Variants in RHOG observed in about 807,000 individuals in gnomAD.
The protein encoded by RHOG is rho-related GTP-binding protein RhoG.
In RHOG, 1 loss-of-function variant was observed where a neutral mutation model predicts 12.3. That is an observed-to-expected ratio of 0.08 (90% CI 0.03 to 0.39). RHOG has a LOEUF of 0.39. RHOG is among the 10% of genes least tolerant of loss of function. RHOG has a pLI of 0.99. For missense variants in RHOG, 114 were observed against 266.2 expected (o/e 0.43, Z 3.98); for synonymous variants, 129 against 116.0 (o/e 1.11, Z -0.72).
intron 1 of RHOG, among the ~76,000 whole-genome samples, chr11:3,832,521 T>C (rs2090136139): frequency 6.6e-6 from 1 of 152,194 alleles, no homozygotes; most frequent in African/African-American, 2.4e-5. Flanking sequence ...TCAAGGAACC[T>C]GACCATGGGA....
In RHOG at chr11:3,828,190, C is replaced by T; in HGVS notation, c.-52G>A. 6.6e-7 allele frequency: 1 copy of T among 1,520,564 alleles called. No individual in the cohort carries two copies. Among genetic ancestry groups the T allele is most frequent in the Non-Finnish European group, 9.0e-7 (1 of 1,112,730 alleles). 94.2% of individuals were successfully genotyped at this position (1,520,564 alleles called of 1,614,324 possible). On this transcript the variant is annotated 5_prime_UTR_variant, in exon 2 of 2. Coordinates refer to ENST00000351018, the MANE Select transcript of RHOG (RefSeq NM_001665.4). The stretch of plus-strand genomic sequence containing the variant: ...CAGTGCCTCCTCTCTCTTCTGGACC[C>T]CTCTGGCTGCAGTGACCTGTGGACA...
chr11:3,836,800 G>A (rs1167156595), intron 1 of RHOG, among the ~76,000 whole-genome samples: 1 of 151,232 alleles, frequency 6.6e-6, no homozygotes, highest in East Asian at 1.9e-4. Flanking sequence ...CTACCTGGGA[G>A]GCTGACACAG....
At chr11:3,836,052 T>TA (rs58765611) in intron 1 of RHOG, among the ~76,000 whole-genome samples, 3,888 of 142,542 alleles carry the variant, frequency 0.027, 180 homozygotes, top group African/African-American at 0.095. Flanking sequence ...TTCCTAGCCT[T>TA]AAAAAAAAAA....
chr11:3,838,126 T>C (rs926955981), intron 1 of RHOG, among the ~76,000 whole-genome samples: 4 of 152,042 alleles, frequency 2.6e-5, no homozygotes, highest in African/African-American at 9.7e-5. Flanking sequence ...ATAGAAGGAG[T>C]CTTCAGTGTG....
In RHOG at chr11:3,827,566, C is replaced by A. The variant is rs1414763351; in HGVS notation, c.573G>T (p.Leu191Phe). The A allele has an allele frequency of 1.9e-6, 3 of 1,602,014 alleles. No homozygotes were observed. Among genetic ancestry groups the A allele is most frequent in the Non-Finnish European group, 2.5e-6 (3 of 1,177,652 alleles). ...GCCTCCAAGCCAAGTGCCAGGGTCACAAGAGGATGCAGGACCGCCCACGCT... is the reference window on the plus strand; with the variant it reads ...GCCTCCAAGCCAAGTGCCAGGGTCAAAAGAGGATGCAGGACCGCCCACGCT... Reference protein sequence around the residue: ...PIKRGRSCILL With the variant: ...PIKRGRSCILF Residue 191 changes from leucine to phenylalanine, a missense_variant, in exon 2 of 2, where the codon TTG becomes TTT. Around this residue, in one of 2 missense-constraint regions of RHOG, gnomAD observed 61 missense variants for 101.4 expected, o/e 0.60. Coordinates refer to ENST00000351018, the MANE Select transcript of RHOG (RefSeq NM_001665.4). The surrounding 1 kb of genome is among the most constrained non-coding windows in gnomAD (Gnocchi z 7.3).
chr11:3,836,283 G>A (rs1405538570), intron 1 of RHOG, among the ~76,000 whole-genome samples: 1 of 150,516 alleles, frequency 6.6e-6, no homozygotes, highest in Non-Finnish European at 1.5e-5. Context: ...CTTGAACCCA[G>A]GAGGCAGAGG....
At chr11:3,837,173 C>T (rs564864271) in intron 1 of RHOG, among the ~76,000 whole-genome samples, 4 of 152,302 alleles carry the variant, frequency 2.6e-5, no homozygotes, top group African/African-American at 7.2e-5. Context: ...AAAATACCCA[C>T]AGAGAGACCC....
intron 1 of RHOG, among the ~76,000 whole-genome samples, chr11:3,832,436 C>A (rs568250728): frequency 6.6e-6 from 1 of 152,264 alleles, no homozygotes; most frequent in East Asian, 1.9e-4. Context: ...AAGTTACTGC[C>A]CTTCCTGGAG....
chr11:3,828,847 C>A (rs1016043363), intron 1 of RHOG, among the ~76,000 whole-genome samples: 3 of 151,850 alleles, frequency 2.0e-5, no homozygotes, highest in Admixed American at 2.0e-4. Flanking sequence ...GTCTCGATCT[C>A]CTGACCTCGT....
At chr11:3,833,380 A>G (rs922785647) in intron 1 of RHOG, among the ~76,000 whole-genome samples, 1 of 152,204 alleles carries the variant, frequency 6.6e-6, no homozygotes, top group Non-Finnish European at 1.5e-5. Flanking sequence ...TAGCCCTCCC[A>G]AAGTGCTGGG....
At chr11:3,840,542 C>CG (rs1311343508) in intron 1 of RHOG, 2 of 150,914 alleles carry the variant, frequency 1.3e-5, no homozygotes, top group African/African-American at 4.9e-5. Flanking sequence ...CAACACCCCC[C>CG]CCACCAACTT....
At chr11:3,837,001 C>CAG (rs1310424384) in intron 1 of RHOG, among the ~76,000 whole-genome samples, 2 of 151,256 alleles carry the variant, frequency 1.3e-5, no homozygotes, top group African/African-American at 4.9e-5. Flanking sequence ...CCACGCAGCA[C>CAG]AGAGGAAGGG....
rs745411648 is a variant in RHOG at position 3,828,186 on chromosome 11, G to A, written c.-48C>T. On this transcript the variant is annotated 5_prime_UTR_variant, in exon 2 of 2. Coordinates refer to ENST00000351018, the MANE Select transcript of RHOG (RefSeq NM_001665.4). Reference sequence around the variant, plus strand: ...GAGGCAGTGCCTCCTCTCTCTTCTGGACCCCTCTGGCTGCAGTGACCTGTG... The same window carrying A: ...GAGGCAGTGCCTCCTCTCTCTTCTGAACCCCTCTGGCTGCAGTGACCTGTG... 6.5e-7 allele frequency: 1 copy of A among 1,535,736 alleles called. No individual in the cohort carries two copies. Among genetic ancestry groups the A allele is most frequent in the Non-Finnish European group, 8.9e-7 (1 of 1,124,130 alleles).
chr11:3,833,807 T>C (rs1250396410), intron 1 of RHOG, among the ~76,000 whole-genome samples: 1 of 152,234 alleles, frequency 6.6e-6, no homozygotes. Flanking sequence ...GCCAGGATCA[T>C]TCTTGCCTCT....
At chr11:3,838,332 T>G (rs570160689) in intron 1 of RHOG, among the ~76,000 whole-genome samples, 1 of 152,360 alleles carries the variant, frequency 6.6e-6, no homozygotes, top group South Asian at 2.1e-4. Context: ...TGGGGCCAGA[T>G]CTCACCTGGG....
chr11:3,833,537 A>G (rs1445926229), intron 1 of RHOG, among the ~76,000 whole-genome samples: 1 of 152,180 alleles, frequency 6.6e-6, no homozygotes, highest in Non-Finnish European at 1.5e-5. Flanking sequence ...GATAAGGGAT[A>G]TTAGAGTTAC....
At chr11:3,836,175 A>C (rs2090154528) in intron 1 of RHOG, among the ~76,000 whole-genome samples, 1 of 151,830 alleles carries the variant, frequency 6.6e-6, no homozygotes, top group Non-Finnish European at 1.5e-5. Flanking sequence ...CAACATGGTG[A>C]AACCCCGTCT....
chr11:3,833,109 G>GT (rs1203587243), intron 1 of RHOG, among the ~76,000 whole-genome samples: 2 of 151,830 alleles, frequency 1.3e-5, no homozygotes, highest in Non-Finnish European at 2.9e-5. Context: ...GTTTTGTTTT[G>GT]TTTTTTCTTT....
chr11:3,828,622 ATTTTT>A (rs755612599), intron 1 of RHOG, among the ~76,000 whole-genome samples: 4 of 125,756 alleles, frequency 3.2e-5, no homozygotes, highest in Non-Finnish European at 6.5e-5. Flanking sequence ...AGTATTAGCT[ATTTTT>A]TTTTTTTTTT....
Sources: gnomAD v4.1 joint callset for allele counts (sites outside exome capture counted in the v4.1 genomes callset) on GRCh38, gnomAD v4.1.1 for gene constraint, gnomAD v4.1.1 regional missense constraint, Gnocchi (gnomAD v3.1) non-coding constraint, MANE v1.5 for transcripts, NCBI Gene and HGNC (gene_info 2026-07-23, HGNC 2026-07-21) for gene names.